The following TSHZ3 variants were observed in gnomAD, a reference collection of about 807,000 sequenced individuals.
TSHZ3 encodes teashirt homolog 3.
TSHZ3 carries 10 observed loss-of-function variants against 64.5 expected under a neutral mutation model. The ratio of observed to expected loss-of-function variants is 0.16; its 90% CI spans 0.10 to 0.26. The LOEUF is 0.26. Ranked by LOEUF, TSHZ3 falls within the 10% of genes least tolerant of loss-of-function variation. The probability of loss-of-function intolerance (pLI) is 1.00; values close to 1 mark genes in which losing one functional copy is unlikely to be tolerated. For synonymous variants in TSHZ3, 608 were observed against 593.1 expected, an observed-to-expected ratio of 1.03 and a Z score of -0.36; for missense variants, 1,242 against 1,421.7, an observed-to-expected ratio of 0.87 and a Z score of 2.03.
chr19:31,225,642 A>C (rs982324188), intron 4 of TSHZ3, among the ~76,000 whole-genome samples: 2 of 152,142 alleles, frequency 1.3e-5, no homozygotes, highest in African/African-American at 4.8e-5. Context: ...TCAGTTACAA[A>C]GGTGAAGTTC....
chr19:31,316,293 C>CT (rs1916600618), intron 1 of TSHZ3, among the ~76,000 whole-genome samples: 1 of 152,190 alleles, frequency 6.6e-6, no homozygotes, highest in East Asian at 1.9e-4. Context: ...TTTGTGAGAA[C>CT]TCCATTGTGT....
At chr19:31,245,162 A>G (rs900071379) in intron 1 of TSHZ3, among the ~76,000 whole-genome samples, 2 of 152,146 alleles carry the variant, frequency 1.3e-5, no homozygotes, top group African/African-American at 4.8e-5. Context: ...TCAGTATACA[A>G]TAAACAAAAA....
In TSHZ3 at chr19:31,199,133, C is replaced by T. The variant is rs528509738; in HGVS notation, n.809+5823G>A. Among the ~76,000 whole-genome samples the T allele has an allele frequency of 1.3e-4, 20 of 152,198 alleles. No homozygotes were observed. In the East Asian group the frequency reaches 1.9e-3, roughly 15 times the overall value. Reference sequence around the variant, plus strand: ...ATAAGAATATAGTCAGGGCCACGCACGGTGACTCACAGCTGTAATCCCAGC... The same window carrying T: ...ATAAGAATATAGTCAGGGCCACGCATGGTGACTCACAGCTGTAATCCCAGC... On this transcript the variant is annotated intron_variant and non_coding_transcript_variant, in intron 5 of 6. Transcript: ENST00000651361.
intron 6 of TSHZ3, among the ~76,000 whole-genome samples, chr19:31,153,308 A>G (rs773264017): frequency 2.0e-5 from 3 of 152,250 alleles, no homozygotes; most frequent in Non-Finnish European, 4.4e-5. Context: ...ATTCTAGACT[A>G]TAAGTCTTCT....
intron 1 of TSHZ3, among the ~76,000 whole-genome samples, chr19:31,302,687 C>T (rs755146431): frequency 1.3e-5 from 2 of 152,084 alleles, no homozygotes; most frequent in Non-Finnish European, 1.5e-5. Flanking sequence ...TATAAACACA[C>T]ACATATATAT....
chr19:31,283,741 A>G (rs12971929), intron 1 of TSHZ3, among the ~76,000 whole-genome samples: 62,282 of 152,138 alleles, frequency 0.41, 13,026 homozygotes, highest in East Asian at 0.61. Context: ...AACCTCACCA[A>G]CACTCAGCAA....
rs150988992 is a variant in TSHZ3 at position 31,151,784 on chromosome 19, G to A, written n.872-40C>T. 7.3e-3 allele frequency among the ~76,000 whole-genome samples: 1,113 copies of A among 152,240 alleles called. 8 individuals are homozygous for A. The highest frequency in any genetic ancestry group is 0.041 in the Middle Eastern group (12 of 294). On this transcript the variant is annotated intron_variant and non_coding_transcript_variant, in intron 6 of 6. Coordinates refer to the TSHZ3 transcript ENST00000651361. ...GAGAGGGAAGAACAAAAATACACTCGTGAAATTCAGGCTGAGACTGGCGTT... is the reference window on the plus strand; with the variant it reads ...GAGAGGGAAGAACAAAAATACACTCATGAAATTCAGGCTGAGACTGGCGTT...
chr19:31,248,514 ACT>A (rs1188804033), intron 1 of TSHZ3, among the ~76,000 whole-genome samples: 1 of 151,898 alleles, frequency 6.6e-6, no homozygotes, highest in Admixed American at 6.6e-5. Context: ...AATACTCAAA[ACT>A]CTGGGTCCAA....
chr19:31,161,333 A>G (rs1380212467), intron 5 of TSHZ3, among the ~76,000 whole-genome samples: 1 of 152,206 alleles, frequency 6.6e-6, no homozygotes, highest in Non-Finnish European at 1.5e-5. Context: ...CTAGCAGACA[A>G]CTCTGAACTA....
rs78571988 is a variant in TSHZ3, at chr19:31,162,523, G to A, written n.810-6106C>T. Among the ~76,000 whole-genome samples, 568 of 152,024 alleles carry A rather than the reference G, an allele frequency of 3.7e-3. 3 individuals are homozygous for A. Among genetic ancestry groups the A allele is most frequent in the African/African-American group, 0.011 (474 of 41,454 alleles). ...TTTTCCGACTTTCTTGGATTTTCCTGGGGCATGGAGAGCTGGAGTCTTGCC... is the reference window on the plus strand; with the variant it reads ...TTTTCCGACTTTCTTGGATTTTCCTAGGGCATGGAGAGCTGGAGTCTTGCC... On this transcript the variant is annotated intron_variant and non_coding_transcript_variant, in intron 5 of 6. Coordinates refer to the TSHZ3 transcript ENST00000651361.
At chr19:31,152,892 C>A (rs1974259766) in intron 6 of TSHZ3, among the ~76,000 whole-genome samples, 1 of 152,124 alleles carries the variant, frequency 6.6e-6, no homozygotes, top group Non-Finnish European at 1.5e-5. Context: ...GACCCAAAGT[C>A]ATGAAGCCAT....
intron 1 of TSHZ3, among the ~76,000 whole-genome samples, chr19:31,342,982 G>A (rs911651540): frequency 6.6e-6 from 1 of 152,312 alleles, no homozygotes; most frequent in Non-Finnish European, 1.5e-5. Context: ...AAAAATGTAC[G>A]TAAGTTAGCA....
intron 4 of TSHZ3, among the ~76,000 whole-genome samples, chr19:31,217,169 T>A (rs1259171778): frequency 6.6e-6 from 1 of 152,134 alleles, no homozygotes; most frequent in Non-Finnish European, 1.5e-5. Flanking sequence ...TCTGTGTGCA[T>A]GGCTGGGGTT....
intron 1 of TSHZ3, among the ~76,000 whole-genome samples, chr19:31,252,821 ATAAAG>A (rs955239658): frequency 8.5e-5 from 13 of 152,204 alleles, no homozygotes; most frequent in African/African-American, 3.1e-4. Flanking sequence ...CTTTTTCCAA[ATAAAG>A]TAAACATTTA....
At chr19:31,318,206 TATTC>T (rs1916660246) in intron 1 of TSHZ3, among the ~76,000 whole-genome samples, 1 of 152,240 alleles carries the variant, frequency 6.6e-6, no homozygotes, top group Non-Finnish European at 1.5e-5. Context: ...TTGAATTGCT[TATTC>T]ATTCTTTGAT....
chr19:31,159,248 G>C (rs1974342483), intron 5 of TSHZ3, among the ~76,000 whole-genome samples: 1 of 152,128 alleles, frequency 6.6e-6, no homozygotes, highest in Non-Finnish European at 1.5e-5. Flanking sequence ...TAATCCACCT[G>C]CCTTTGCTTC....
chr19:31,176,825 C>A (rs75187309), intron 5 of TSHZ3, among the ~76,000 whole-genome samples: 6,149 of 152,038 alleles, frequency 0.04, 393 homozygotes, highest in African/African-American at 0.13. Context: ...ACAACAACAA[C>A]AAAAAACACA....
At chr19:31,349,535 G>C (rs1258929767), upstream of TSHZ3, 1 of 321,442 alleles carries the variant, frequency 3.1e-6, no homozygotes, top group Non-Finnish European at 5.6e-6. Context: ...CGCGCTGCCG[G>C]CGGAATGGGA....
Position 31,198,450 on chromosome 19 carries a change from G to T in TSHZ3, n.809+6506C>A, listed in dbSNP as rs114168130. Among the ~76,000 whole-genome samples, 555 of 151,982 alleles carry T rather than the reference G, an allele frequency of 3.7e-3. 4 individuals carry two copies. The highest frequency in any genetic ancestry group is 0.012 in the African/African-American group (513 of 41,438). On this transcript the variant is annotated intron_variant and non_coding_transcript_variant, in intron 5 of 6. Coordinates refer to the TSHZ3 transcript ENST00000651361. ...AGTCCTACCTGATGCAATAAGACAAGAAAAGGAAATAAAATATATAAATGA... is the reference window on the plus strand; with the variant it reads ...AGTCCTACCTGATGCAATAAGACAATAAAAGGAAATAAAATATATAAATGA...
Sources: gnomAD v4.1 joint callset for allele counts (sites outside exome capture counted in the v4.1 genomes callset) on GRCh38, gnomAD v4.1.1 for gene constraint, MANE v1.5 for transcripts, NCBI Gene and HGNC (gene_info 2026-07-23, HGNC 2026-07-21) for gene names.